Variants in MERTK observed in about 807,000 individuals in gnomAD.
The protein encoded by MERTK is tyrosine-protein kinase Mer.
A neutral mutation model predicts 99.3 loss-of-function variants in MERTK; 69 were observed. That is an observed-to-expected ratio of 0.70 (90% CI 0.57 to 0.85). MERTK has a LOEUF of 0.85. MERTK is among the 40% of genes least tolerant of loss of function. MERTK has a pLI of 0.00. For synonymous variants in MERTK, 426 were observed against 467.6 expected, an observed-to-expected ratio of 0.91 and a Z score of 1.15; for missense variants, 1,125 against 1,249.4, an observed-to-expected ratio of 0.90 and a Z score of 1.50.
At chr2:111,971,941 G>A (rs371627458) in intron 6 of MERTK, among the ~76,000 whole-genome samples, 2 of 152,142 alleles carry the variant, frequency 1.3e-5, no homozygotes, top group Non-Finnish European at 2.9e-5. Context: ...TCTCCCTTCC[G>A]TTCTATCAGT....
intron 11 of MERTK, 48 bp from the exon 12 acceptor site, chr2:112,003,043 AG>A (rs1676902356): frequency 1.2e-6 from 1 of 844,850 alleles, no homozygotes; most frequent in East Asian, 2.4e-5. Context: ...ATCAAGTGAA[AG>A]AAAACACGCT....
intron 13 of MERTK, among the ~76,000 whole-genome samples, chr2:112,006,108 T>C (rs540566375): frequency 8.5e-5 from 13 of 152,140 alleles, no homozygotes; most frequent in African/African-American, 3.1e-4. Context: ...TCTTGAACTC[T>C]TGGCCTCAAG....
rs545713279 is a variant in MERTK, at chr2:111,975,191, T to C, written c.961-98T>C. 12 of 1,155,874 alleles carry C rather than the reference T, an allele frequency of 1.0e-5. No homozygotes were observed. In the South Asian group the frequency reaches 1.4e-4, roughly 13 times the overall value. 71.6% of individuals were successfully genotyped at this position (1,155,874 alleles called of 1,614,324 possible). A position where few individuals can be genotyped will look rare whatever the true frequency, so the allele number is the denominator to read the frequency against. On this transcript the variant is annotated intron_variant, in intron 6 of 18. Coordinates refer to ENST00000295408, the MANE Select transcript of MERTK (RefSeq NM_006343.3). ...AGGAAGCAGGTCCTTCCCCTTAGCGTAGAGGAAGGGCCACGTGCACCGAAT... is the reference window on the plus strand; with the variant it reads ...AGGAAGCAGGTCCTTCCCCTTAGCGCAGAGGAAGGGCCACGTGCACCGAAT...
chr2:111,991,283 T>G (rs574269877), intron 8 of MERTK, among the ~76,000 whole-genome samples: 6 of 152,336 alleles, frequency 3.9e-5, no homozygotes, highest in Admixed American at 3.3e-4. Flanking sequence ...TGGAGTGTGG[T>G]GGCGTGATCT....
At chr2:112,007,942 C>T (rs1258072902) in intron 13 of MERTK, among the ~76,000 whole-genome samples, 2 of 151,786 alleles carry the variant, frequency 1.3e-5, no homozygotes, top group African/African-American at 4.8e-5. Flanking sequence ...GCAGAAAGTA[C>T]AGAGAATGCC....
intron 6 of MERTK, among the ~76,000 whole-genome samples, chr2:111,968,575 C>T (rs1239363048): frequency 2.0e-5 from 3 of 151,686 alleles, no homozygotes; most frequent in Non-Finnish European, 4.4e-5. Flanking sequence ...GGCTGGATGC[C>T]CAGGCTGGAG....
intron 6 of MERTK, among the ~76,000 whole-genome samples, chr2:111,971,494 G>A (rs1369709230): frequency 6.6e-6 from 1 of 151,734 alleles, no homozygotes. Context: ...CATCCCATAA[G>A]GTTTTCGTTG....
chr2:112,014,060 C>T (rs1180303191), intron 15 of MERTK, among the ~76,000 whole-genome samples: 1 of 145,632 alleles, frequency 6.9e-6, no homozygotes, highest in Non-Finnish European at 1.5e-5. Flanking sequence ...CTCGCTCTGT[C>T]GCCCAGGCTG....
intron 18 of MERTK, among the ~76,000 whole-genome samples, chr2:112,024,648 G>A (rs751079576): frequency 3.9e-5 from 6 of 152,218 alleles, no homozygotes; most frequent in Non-Finnish European, 8.8e-5. Flanking sequence ...ATGAACTCAG[G>A]CTGAGTGCAG....
chr2:111,912,247 T>C (rs995086407), intron 1 of MERTK, among the ~76,000 whole-genome samples: 7 of 151,904 alleles, frequency 4.6e-5, no homozygotes, highest in Admixed American at 3.3e-4. Flanking sequence ...GACCTCATGA[T>C]TTGCCCACCT....
intron 4 of MERTK, among the ~76,000 whole-genome samples, chr2:111,959,188 G>T (rs1021146241): frequency 7.9e-5 from 12 of 152,086 alleles, no homozygotes; most frequent in Admixed American, 5.2e-4. Flanking sequence ...AGTGTTAAAG[G>T]CCTCACTGTG....
intron 6 of MERTK, among the ~76,000 whole-genome samples, chr2:111,973,004 G>A (rs114292115): frequency 6.6e-6 from 1 of 152,112 alleles, no homozygotes; most frequent in Admixed American, 6.5e-5. Context: ...GCACTAGCAG[G>A]ACACACCCTC....
chr2:111,898,854 G>A (rs937947597), intron 1 of MERTK, 58 bp downstream of exon 1: 6 of 1,517,358 alleles, frequency 4.0e-6, no homozygotes, highest in Non-Finnish European at 4.4e-6. Context: ...GAGGAAGCAG[G>A]GGCCTCTGGG....
At chr2:111,988,058 C>T (rs1252502816) in intron 8 of MERTK, among the ~76,000 whole-genome samples, 2 of 149,826 alleles carry the variant, frequency 1.3e-5, no homozygotes, top group East Asian at 2.0e-4. Flanking sequence ...GGCACGATCT[C>T]GGCTCACTGC....
chr2:111,905,527 G>C (rs933285476), intron 1 of MERTK, among the ~76,000 whole-genome samples: 1 of 144,452 alleles, frequency 6.9e-6, no homozygotes, highest in Admixed American at 7.4e-5. Flanking sequence ...CAGCCTCCTG[G>C]GTTCAAGCGA....
At chr2:111,917,413 G>A (rs1558770454) in intron 1 of MERTK, among the ~76,000 whole-genome samples, 1 of 152,152 alleles carries the variant, frequency 6.6e-6, no homozygotes, top group Non-Finnish European at 1.5e-5. Context: ...GCCTGGAGTA[G>A]AGCAGTTTAT....
At chr2:111,910,981 C>A (rs1442764992) in intron 1 of MERTK, among the ~76,000 whole-genome samples, 2 of 152,102 alleles carry the variant, frequency 1.3e-5, no homozygotes, top group East Asian at 1.9e-4. Context: ...TAGATATGTA[C>A]AATTATGTTA....
At chr2:111,906,691 C>CAGA (rs1197489220) in intron 1 of MERTK, among the ~76,000 whole-genome samples, 28 of 152,286 alleles carry the variant, frequency 1.8e-4, no homozygotes, top group African/African-American at 6.7e-4. Context: ...AATTCTGGCA[C>CAGA]ATGATTTGAA....
At chr2:112,026,325 T>C (rs1427218950) in intron 18 of MERTK, 2 of 152,192 alleles carry the variant, frequency 1.3e-5, no homozygotes, top group African/African-American at 4.8e-5. Flanking sequence ...GAAATAAAGA[T>C]AAATTATTTA....
Sources: gnomAD v4.1 joint callset for allele counts (sites outside exome capture counted in the v4.1 genomes callset) on GRCh38, gnomAD v4.1.1 for gene constraint, MANE v1.5 for transcripts, NCBI Gene and HGNC (gene_info 2026-07-23, HGNC 2026-07-21) for gene names.